The following FOXO3 variants were observed in gnomAD, a reference collection of about 807,000 sequenced individuals.
FOXO3 encodes the protein forkhead box O3, also known as forkhead box protein O3.
In FOXO3, 4 loss-of-function variants were observed where a neutral mutation model predicts 41.9. That is an observed-to-expected ratio of 0.10 (90% CI 0.05 to 0.22). The LOEUF (loss-of-function observed/expected upper bound fraction) is 0.22, where lower values mean the gene tolerates loss of function less well. FOXO3 is among the 10% of genes least tolerant of loss of function. FOXO3 has a pLI of 1.00. For synonymous variants in FOXO3, 318 were observed against 389.3 expected (o/e 0.82, Z 2.16); for missense variants, 534 against 906.8 (o/e 0.59, Z 5.28).
intron 1 of FOXO3, among the ~76,000 whole-genome samples, chr6:108,620,941 A>G (rs1777648376): frequency 1.3e-5 from 2 of 152,206 alleles, no homozygotes; most frequent in Non-Finnish European, 1.5e-5. Context: ...AGATGTTTCA[A>G]TGAATGATAC....
At chr6:108,624,548 C>T (rs2128373853) in intron 1 of FOXO3, among the ~76,000 whole-genome samples, 1 of 152,202 alleles carries the variant, frequency 6.6e-6, no homozygotes, top group African/African-American at 2.4e-5. Context: ...TTGGGCACAT[C>T]CTTGCATGTG....
At chr6:108,658,266 T>C (rs1778746514) in intron 1 of FOXO3, among the ~76,000 whole-genome samples, 4 of 152,192 alleles carry the variant, frequency 2.6e-5, no homozygotes, top group Admixed American at 2.0e-4. Context: ...ATTTTGTCAA[T>C]GGAAGGCTGG....
At chr6:108,614,300 A>T (rs747008876) in intron 1 of FOXO3, among the ~76,000 whole-genome samples, 7 of 152,148 alleles carry the variant, frequency 4.6e-5, no homozygotes, top group African/African-American at 1.4e-4. Context: ...GTAATTGTGG[A>T]TTTGTCTACT....
Position 108,561,733 on chromosome 6 carries a change from C to G in FOXO3, c.525C>G (p.Asp175Glu). Reference sequence around the variant, plus strand: ...CCCGCGCCATCGAGAGCTCCCCGGACAAACGGCTCACTCTGTCCCAGATCT... The same window carrying G: ...CCCGCGCCATCGAGAGCTCCCCGGAGAAACGGCTCACTCTGTCCCAGATCT... ...LITRAIESSP[D>E]KRLTLSQIYE... Residue 175 changes from aspartate to glutamate, a missense_variant, in exon 1 of 3, where the codon GAC becomes GAG. Physicochemically the swap from Asp to Glu is conservative, Grantham distance 45. This residue lies in a region of FOXO3 where 77 missense variants were observed against 193.2 expected (regional missense o/e 0.40). Coordinates refer to ENST00000406360, the MANE Select transcript of FOXO3 (RefSeq NM_001455.4). 1 of 1,609,970 alleles carries G rather than the reference C, an allele frequency of 6.2e-7. No individual in the cohort carries two copies. The highest frequency in any genetic ancestry group is 8.5e-7 in the Non-Finnish European group (1 of 1,178,428).
At position 108,585,772 on chromosome 6, in the gene FOXO3, G is replaced by T. The variant is rs149157438; in HGVS notation, c.621+23943G>T. On this transcript the variant is annotated intron_variant, in intron 1 of 2. Coordinates refer to ENST00000406360, the MANE Select transcript of FOXO3 (RefSeq NM_001455.4). ...TATTCCATTAGTCTGTAACCTTCTA[G>T]ATTTTAGCTGAATGAAACTCTAAAC... Among the ~76,000 whole-genome samples the T allele has an allele frequency of 2.7e-3, 416 of 152,320 alleles. 2 individuals carry two copies. The highest frequency in any genetic ancestry group is 8.9e-3 in the African/African-American group (369 of 41,564).
rs1368920352 is a variant in FOXO3, at chr6:108,682,264, G to T, written c.*2472G>T. ...TGAATTTCAGGCAGAATGTCTTACAGAATGTCCTAGAACCAGATTATCATT... is the reference window on the plus strand; with the variant it reads ...TGAATTTCAGGCAGAATGTCTTACATAATGTCCTAGAACCAGATTATCATT... On this transcript the variant is annotated 3_prime_UTR_variant, in exon 3 of 3. Coordinates refer to ENST00000406360, the MANE Select transcript of FOXO3 (RefSeq NM_001455.4). The T allele has an allele frequency of 2.0e-5, 3 of 152,508 alleles. No homozygotes were observed. Among genetic ancestry groups the T allele is most frequent in the Non-Finnish European group, 4.4e-5 (3 of 67,936 alleles). The allele number at this position is 152,508 out of a possible 1,614,324, so 9.4% of individuals were successfully genotyped here.
rs897645212 is a variant in FOXO3, at chr6:108,684,507, T to C, written c.*4715T>C. 1 of 152,514 alleles carries C rather than the reference T, an allele frequency of 6.6e-6. No individual in the cohort carries two copies. Among genetic ancestry groups the C allele is most frequent in the Non-Finnish European group, 1.5e-5 (1 of 68,020 alleles). 9.4% of individuals were successfully genotyped at this position (152,514 alleles called of 1,614,324 possible). On this transcript the variant is annotated 3_prime_UTR_variant, in exon 3 of 3. Transcript: ENST00000406360. ...ACTTTGATTTGAAGCACCTCATCCT[T>C]CTTTCAATGCGAACACTATCATATG...
At chr6:108,662,901 A>G (rs768089891) in intron 1 of FOXO3, among the ~76,000 whole-genome samples, 1 of 152,230 alleles carries the variant, frequency 6.6e-6, no homozygotes, top group South Asian at 2.1e-4. Flanking sequence ...GAGGAAAACT[A>G]CTATCAGTGA....
intron 1 of FOXO3, among the ~76,000 whole-genome samples, chr6:108,578,280 AG>A (rs1378270133): frequency 6.6e-6 from 1 of 152,200 alleles, no homozygotes; most frequent in Non-Finnish European, 1.5e-5. Context: ...CTGCAAGCTG[AG>A]GGTTCAGAAC....
At chr6:108,560,852 G>T (rs1775758001), upstream of FOXO3, 1 of 674,212 alleles carries the variant, frequency 1.5e-6, no homozygotes, top group African/African-American at 1.9e-5. Context: ...GCGGCGGGGG[G>T]AGGGGGCTGC....
chr6:108,661,329 T>C (rs902713711), intron 1 of FOXO3, among the ~76,000 whole-genome samples: 2 of 152,026 alleles, frequency 1.3e-5, no homozygotes, highest in Non-Finnish European at 2.9e-5. Flanking sequence ...AACAAATATA[T>C]ATATATGTAT....
intron 1 of FOXO3, among the ~76,000 whole-genome samples, chr6:108,645,802 A>AT (rs1417435066): frequency 6.6e-6 from 1 of 152,204 alleles, no homozygotes; most frequent in Non-Finnish European, 1.5e-5. Flanking sequence ...GAAACCTCTA[A>AT]TTACCATTAT....
chr6:108,570,588 A>G (rs1776071567), intron 1 of FOXO3, among the ~76,000 whole-genome samples: 1 of 152,160 alleles, frequency 6.6e-6, no homozygotes, highest in African/African-American at 2.4e-5. Flanking sequence ...TGGGCCTCCT[A>G]AAGTGCTGGG....
In FOXO3 at chr6:108,627,959, A is replaced by C. The variant is rs114314473; in HGVS notation, c.622-35496A>C. 1.4e-3 allele frequency among the ~76,000 whole-genome samples: 216 copies of C among 152,322 alleles called. 1 individual carries two copies. The highest frequency in any genetic ancestry group is 4.6e-3 in the African/African-American group (193 of 41,564). On this transcript the variant is annotated intron_variant, in intron 1 of 2. Coordinates refer to ENST00000406360, the MANE Select transcript of FOXO3 (RefSeq NM_001455.4). ...CAGTATATGCATATTTAAGGTACTT[A>C]GAGCAGAGTTTGGCATGTAGTAAGT...
At chr6:108,602,917 G>A (rs1290554296) in intron 1 of FOXO3, among the ~76,000 whole-genome samples, 7 of 152,100 alleles carry the variant, frequency 4.6e-5, no homozygotes, top group Admixed American at 4.6e-4. Context: ...GTTTCTGTCT[G>A]TGACTAGGCA....
chr6:108,631,382 T>C (rs779267269), intron 1 of FOXO3, among the ~76,000 whole-genome samples: 1 of 152,188 alleles, frequency 6.6e-6, no homozygotes, highest in Admixed American at 6.5e-5. Context: ...TATTGCTGTT[T>C]AGGGCCCTGA....
At chr6:108,621,416 G>A (rs1293458168) in intron 1 of FOXO3, among the ~76,000 whole-genome samples, 2 of 152,202 alleles carry the variant, frequency 1.3e-5, no homozygotes, top group Non-Finnish European at 2.9e-5. Context: ...CATGGCAGGA[G>A]CACAGTTCAA....
rs144648482 is a variant in FOXO3, at chr6:108,636,913, C to T, written c.622-26542C>T. Reference sequence around the variant, plus strand: ...TGCAACATCCTCCCAGGTGGTCCCACTGAAGCACCTCTATTTAAATCCCCC... The same window carrying T: ...TGCAACATCCTCCCAGGTGGTCCCATTGAAGCACCTCTATTTAAATCCCCC... On this transcript the variant is annotated intron_variant, in intron 1 of 2. Transcript: ENST00000406360. 5.3e-5 allele frequency among the ~76,000 whole-genome samples: 8 copies of T among 152,250 alleles called. No individual in the cohort carries two copies. The East Asian group carries it at 1.5e-3, about 29-fold the overall frequency.
At chr6:108,596,291 C>T (rs1305220621) in intron 1 of FOXO3, among the ~76,000 whole-genome samples, 1 of 148,702 alleles carries the variant, frequency 6.7e-6, no homozygotes, top group Non-Finnish European at 1.5e-5. Flanking sequence ...ATGTGGTTAC[C>T]TAAGACATTT....
Sources: gnomAD v4.1 joint callset for allele counts (sites outside exome capture counted in the v4.1 genomes callset) on GRCh38, gnomAD v4.1.1 for gene constraint, gnomAD v4.1.1 regional missense constraint, MANE v1.5 for transcripts, NCBI Gene and HGNC (gene_info 2026-07-23, HGNC 2026-07-21) for gene names.